Variants in ULK4 observed in about 807,000 individuals in gnomAD.
The protein encoded by ULK4 is unc-51 like kinase 4, also known as inactive serine/threonine-protein kinase ULK4.
A neutral mutation model predicts 160.6 loss-of-function variants in ULK4; 133 were observed. The observed-to-expected ratio is 0.83, with a 90% CI of 0.72 to 0.96. The LOEUF is 0.96. ULK4 is among the 40% of genes least tolerant of loss of function. The pLI is 0.00. For missense variants in ULK4, 1,580 were observed against 1,499.5 expected, an observed-to-expected ratio of 1.05 and a Z score of -0.89; for synonymous variants, 534 against 539.8, an observed-to-expected ratio of 0.99 and a Z score of 0.15.
intron 17 of ULK4, among the ~76,000 whole-genome samples, chr3:41,844,790 TAAAAA>T (rs35532895): frequency 8.0e-6 from 1 of 125,088 alleles, no homozygotes; most frequent in Non-Finnish European, 1.7e-5. Flanking sequence ...GAGGTTTTTC[TAAAAA>T]AAAAAAAAAA....
At chr3:41,697,668 C>T (rs1419401373) in intron 27 of ULK4, among the ~76,000 whole-genome samples, 1 of 151,998 alleles carries the variant, frequency 6.6e-6, no homozygotes, top group African/African-American at 2.4e-5. Flanking sequence ...TTTTTGTAGG[C>T]ATAGAGTCTC....
At chr3:41,600,143 G>T (rs989520282) in intron 31 of ULK4, among the ~76,000 whole-genome samples, 1 of 152,118 alleles carries the variant, frequency 6.6e-6, no homozygotes, top group African/African-American at 2.4e-5. Flanking sequence ...CAGACTAAAA[G>T]CTTGTCACAG....
intron 35 of ULK4, among the ~76,000 whole-genome samples, chr3:41,320,799 C>T (rs1329328717): frequency 6.6e-5 from 10 of 152,150 alleles, no homozygotes; most frequent in Admixed American, 2.6e-4. Context: ...CACCTGTAAT[C>T]CCAGCTACTC....
chr3:41,631,676 G>GT (rs946551942), intron 30 of ULK4, among the ~76,000 whole-genome samples: 6 of 152,116 alleles, frequency 3.9e-5, no homozygotes, highest in African/African-American at 1.4e-4. Flanking sequence ...ATACAGCCCT[G>GT]TAATATTCCA....
chr3:41,510,285 A>C (rs1186139744), intron 32 of ULK4, among the ~76,000 whole-genome samples: 2 of 152,180 alleles, frequency 1.3e-5, no homozygotes, highest in Non-Finnish European at 2.9e-5. Context: ...AAATATCACA[A>C]TCCTAAATAT....
chr3:41,389,158 A>C lies in ULK4; in HGVS notation c.3678+8921T>G, dbSNP rs565976980. Among the ~76,000 whole-genome samples, 276 of 152,164 alleles carry C rather than the reference A, an allele frequency of 1.8e-3. 1 individual carries two copies. The highest frequency in any genetic ancestry group is 3.1e-3 in the Non-Finnish European group (212 of 68,020). Reference sequence around the variant, plus strand: ...AGCAATTGTGAATGGGAGTTCACTCATGATTTGGCTCTCTGTCTGTTATTG... The same window carrying C: ...AGCAATTGTGAATGGGAGTTCACTCCTGATTTGGCTCTCTGTCTGTTATTG... On this transcript the variant is annotated intron_variant, in intron 35 of 36. Coordinates refer to ENST00000301831, the MANE Select transcript of ULK4 (RefSeq NM_017886.4).
chr3:41,807,610 C>T (rs2040689299), intron 19 of ULK4, among the ~76,000 whole-genome samples: 1 of 152,118 alleles, frequency 6.6e-6, no homozygotes, highest in African/African-American at 2.4e-5. Context: ...AGATAGCACA[C>T]AGGAAGACTC....
rs140203573 is a variant in ULK4, at chr3:41,797,376, C to T, written c.2010+2756G>A. Among the ~76,000 whole-genome samples, 476 of 152,252 alleles carry T rather than the reference C, an allele frequency of 3.1e-3. 1 individual carries two copies. Among genetic ancestry groups the T allele is most frequent in the African/African-American group, 0.011 (452 of 41,540 alleles). On this transcript the variant is annotated intron_variant, in intron 20 of 36. Transcript: ENST00000301831. ...ATGGATAATCATCACATGACAACCA[C>T]CCCAGAGGTATCTGGTACAGTTAAG...
chr3:41,479,394 T>C (rs1021375915), intron 32 of ULK4, among the ~76,000 whole-genome samples: 1 of 152,204 alleles, frequency 6.6e-6, no homozygotes, highest in Non-Finnish European at 1.5e-5. Flanking sequence ...TCACAGCCCA[T>C]ATAAATATAT....
chr3:41,871,655 G>A (rs368746167), intron 17 of ULK4, among the ~76,000 whole-genome samples: 2 of 152,122 alleles, frequency 1.3e-5, no homozygotes, highest in Admixed American at 1.3e-4. Flanking sequence ...TTGGTAAAAC[G>A]TTTCTCATGT....
intron 34 of ULK4, among the ~76,000 whole-genome samples, chr3:41,441,308 T>A (rs940176198): frequency 2.6e-5 from 4 of 152,058 alleles, no homozygotes; most frequent in Non-Finnish European, 1.5e-5. Context: ...TCCCCCTAAG[T>A]ACTGTTTTAG....
chr3:41,953,304 ATTT>A (rs60007502), intron 2 of ULK4, among the ~76,000 whole-genome samples: 11 of 124,792 alleles, frequency 8.8e-5, no homozygotes, highest in African/African-American at 3.1e-4. Context: ...ATATATATAT[ATTT>A]TTTTTTTTTT....
chr3:41,811,421 T>G (rs2040817596), intron 19 of ULK4, among the ~76,000 whole-genome samples: 1 of 152,080 alleles, frequency 6.6e-6, no homozygotes, highest in African/African-American at 2.4e-5. Context: ...GCTTCTGAAA[T>G]TGCTGGGATT....
rs1180310473 is a variant in ULK4 at position 41,308,704 on chromosome 3, A to G, written c.3679-59130T>C. Reference sequence around the variant, plus strand: ...AAAATCCAAAACCCAAAATGCTCCAAAATCTGAAAGTTTTTGAATGCTGAC... The same window carrying G: ...AAAATCCAAAACCCAAAATGCTCCAGAATCTGAAAGTTTTTGAATGCTGAC... On this transcript the variant is annotated intron_variant, in intron 35 of 36. Coordinates refer to ENST00000301831, the MANE Select transcript of ULK4 (RefSeq NM_017886.4). 2.0e-5 allele frequency among the ~76,000 whole-genome samples: 3 copies of G among 152,200 alleles called. No homozygotes were observed. In the East Asian group the frequency reaches 5.8e-4, roughly 29 times the overall value.
chr3:41,322,568 A>G (rs1320910286), intron 35 of ULK4, among the ~76,000 whole-genome samples: 1 of 152,174 alleles, frequency 6.6e-6, no homozygotes, highest in East Asian at 1.9e-4. Context: ...ACCCTAACCT[A>G]ATGAACCAGA....
At chr3:41,517,248 G>A (rs1427698887) in intron 32 of ULK4, among the ~76,000 whole-genome samples, 1 of 152,164 alleles carries the variant, frequency 6.6e-6, no homozygotes, top group Non-Finnish European at 1.5e-5. Flanking sequence ...TGCAGCAATG[G>A]TGCTATGATT....
intron 17 of ULK4, among the ~76,000 whole-genome samples, chr3:41,854,452 TATCTGC>T: frequency 6.6e-6 from 1 of 152,262 alleles, no homozygotes; most frequent in Non-Finnish European, 1.5e-5. Context: ...TAGCAGCCCT[TATCTGC>T]ACAGACAAGG....
At chr3:41,447,371 T>C (rs890630967) in intron 34 of ULK4, among the ~76,000 whole-genome samples, 1 of 152,000 alleles carries the variant, frequency 6.6e-6, no homozygotes, top group Non-Finnish European at 1.5e-5. Flanking sequence ...CTGGAGGAGC[T>C]CTTTTCTGGC....
chr3:41,935,705 T>C, intron 4 of ULK4, 96 bp downstream of exon 4: 3 of 1,406,008 alleles, frequency 2.1e-6, no homozygotes, highest in Non-Finnish European at 1.9e-6. Context: ...CAAGATATTC[T>C]ATACCAAAAT....
Sources: gnomAD v4.1 joint callset for allele counts (sites outside exome capture counted in the v4.1 genomes callset) on GRCh38, gnomAD v4.1.1 for gene constraint, MANE v1.5 for transcripts, NCBI Gene and HGNC (gene_info 2026-07-23, HGNC 2026-07-21) for gene names.